Variants in CSMD1 observed in about 807,000 individuals in gnomAD.
CSMD1 encodes the protein CUB and sushi domain-containing protein 1.
CSMD1 carries 213 observed loss-of-function variants against 417.5 expected under a neutral mutation model. The observed-to-expected ratio is 0.51, with a 90% CI of 0.46 to 0.57. The LOEUF (loss-of-function observed/expected upper bound fraction) is 0.57. Among genes scored for constraint, CSMD1 ranks in the 20% least tolerant of loss-of-function variants. The pLI, the probability that CSMD1 is intolerant of heterozygous loss-of-function variation, is 0.00. For synonymous variants in CSMD1, 2,862 were observed against 1,736.8 expected (o/e 1.65, Z -16.11); for missense variants, 6,923 against 4,529.7 (o/e 1.53, Z -15.17).
At chr8:3,522,323 T>G (rs1797542043) in intron 10 of CSMD1, among the ~76,000 whole-genome samples, 1 of 152,196 alleles carries the variant, frequency 6.6e-6, no homozygotes, top group African/African-American at 2.4e-5. Flanking sequence ...GAGAGGAAAT[T>G]GTAAAGGATA....
chr8:4,012,016 T>C (rs939757183), intron 4 of CSMD1, among the ~76,000 whole-genome samples: 2 of 143,904 alleles, frequency 1.4e-5, no homozygotes, highest in African/African-American at 4.9e-5. Flanking sequence ...GTTTAGGTAA[T>C]AATGACAAGG....
chr8:4,775,555 GATTT>G (rs1182506377), intron 1 of CSMD1, among the ~76,000 whole-genome samples: 2 of 152,094 alleles, frequency 1.3e-5, no homozygotes, highest in Non-Finnish European at 2.9e-5. Context: ...TAACAAATAT[GATTT>G]ATTTATGAAA....
At chr8:3,144,526 C>T (rs1485752690) in intron 40 of CSMD1, among the ~76,000 whole-genome samples, 1 of 151,744 alleles carries the variant, frequency 6.6e-6, no homozygotes, top group African/African-American at 2.4e-5. Context: ...TCACGTTGTC[C>T]AAGTCTATAG....
intron 1 of CSMD1, among the ~76,000 whole-genome samples, chr8:4,674,777 G>C (rs1457394927): frequency 1.3e-5 from 2 of 152,192 alleles, no homozygotes; most frequent in Non-Finnish European, 2.9e-5. Flanking sequence ...GCTATAGATT[G>C]AATCGTGTCC....
rs879086770 is a variant in CSMD1 at position 3,199,939 on chromosome 8, G to A, written c.5099-130C>T. Reference sequence around the variant, plus strand: ...AACTTTTAAAACATTTTCACTTTATGGTTTAAAACTCAAATATGTTGTTTT... The same window carrying A: ...AACTTTTAAAACATTTTCACTTTATAGTTTAAAACTCAAATATGTTGTTTT... On this transcript the variant is annotated intron_variant, in intron 32 of 69. Coordinates refer to ENST00000635120, the MANE Select transcript of CSMD1 (RefSeq NM_033225.6). 3 of 587,418 alleles carry A rather than the reference G, an allele frequency of 5.1e-6. No individual in the cohort carries two copies. The South Asian group carries it at 6.5e-5, about 13-fold the overall frequency. 36.4% of individuals were successfully genotyped at this position (587,418 alleles called of 1,614,324 possible).
intron 7 of CSMD1, among the ~76,000 whole-genome samples, chr8:3,636,383 G>T (rs1208752272): frequency 6.6e-6 from 1 of 152,050 alleles, no homozygotes; most frequent in East Asian, 1.9e-4. Context: ...TCTCCATGTT[G>T]GCTAGGCTGG....
At chr8:3,184,624 T>G (rs2129048977) in intron 36 of CSMD1, among the ~76,000 whole-genome samples, 1 of 152,372 alleles carries the variant, frequency 6.6e-6, no homozygotes, top group Non-Finnish European at 1.5e-5. Context: ...CTTGCACATT[T>G]TATTTCTATA....
At chr8:4,574,419 C>G (rs1475348419) in intron 2 of CSMD1, among the ~76,000 whole-genome samples, 1 of 152,108 alleles carries the variant, frequency 6.6e-6, no homozygotes, top group Non-Finnish European at 1.5e-5. Flanking sequence ...AGGCAATGCC[C>G]CACCCTTCTT....
intron 41 of CSMD1, among the ~76,000 whole-genome samples, chr8:3,119,137 G>A (rs1392305112): frequency 1.3e-5 from 2 of 151,856 alleles, no homozygotes; most frequent in African/African-American, 4.8e-5. Flanking sequence ...CCGAGATCTT[G>A]CCACTGCGCT....
At chr8:2,966,006 G>A (rs942847335) in intron 58 of CSMD1, 52 bp from the exon 59 acceptor site, 16 of 1,469,034 alleles carry the variant, frequency 1.1e-5, no homozygotes, top group Non-Finnish European at 1.4e-5. Flanking sequence ...ACCATGAAAT[G>A]AATTAGTCAC....
chr8:3,677,847 C>T (rs1799456084), intron 7 of CSMD1, among the ~76,000 whole-genome samples: 1 of 152,104 alleles, frequency 6.6e-6, no homozygotes, highest in Non-Finnish European at 1.5e-5. Context: ...TTCTTTAACT[C>T]TAAACCCCCT....
intron 15 of CSMD1, 26 bp downstream of exon 15, chr8:3,406,001 A>G: frequency 6.2e-7 from 1 of 1,604,708 alleles, no homozygotes; most frequent in Non-Finnish European, 8.5e-7. Flanking sequence ...TCAAAGGAGA[A>G]GAGCGGGGGG....
intron 2 of CSMD1, among the ~76,000 whole-genome samples, chr8:4,606,943 T>G (rs1800906801): frequency 6.6e-6 from 1 of 152,214 alleles, no homozygotes; most frequent in Admixed American, 6.5e-5. Flanking sequence ...GTAGATATAA[T>G]TCATCCTTTT....
intron 5 of CSMD1, among the ~76,000 whole-genome samples, chr8:3,818,438 T>C (rs956969644): frequency 1.3e-5 from 2 of 152,152 alleles, no homozygotes; most frequent in African/African-American, 4.8e-5. Flanking sequence ...ACTAATTAAC[T>C]CCTCATGGAT....
At chr8:4,304,910 T>C (rs576160598) in intron 3 of CSMD1, among the ~76,000 whole-genome samples, 1 of 152,126 alleles carries the variant, frequency 6.6e-6, no homozygotes, top group Non-Finnish European at 1.5e-5. Flanking sequence ...TATTAAGGTG[T>C]AACGATGAGA....
intron 5 of CSMD1, among the ~76,000 whole-genome samples, chr8:3,906,110 T>A (rs1402603788): frequency 6.6e-6 from 1 of 152,026 alleles, no homozygotes; most frequent in Non-Finnish European, 1.5e-5. Flanking sequence ...AACCTCAGAG[T>A]TGCTGTGGGA....
At chr8:3,357,279 G>T (rs1476324423) in intron 21 of CSMD1, among the ~76,000 whole-genome samples, 4 of 152,212 alleles carry the variant, frequency 2.6e-5, no homozygotes, top group Non-Finnish European at 5.9e-5. Context: ...AGGCTGAGTT[G>T]CAGGCTCCCT....
intron 12 of CSMD1, among the ~76,000 whole-genome samples, chr8:3,458,817 G>C (rs1175304515): frequency 6.6e-6 from 1 of 152,174 alleles, no homozygotes; most frequent in Admixed American, 6.5e-5. Context: ...GGAGAAACAG[G>C]ATTGAATAAA....
intron 25 of CSMD1, among the ~76,000 whole-genome samples, chr8:3,301,599 G>A (rs1563246215): frequency 6.6e-6 from 1 of 152,180 alleles, no homozygotes. Context: ...GACAGTGTGT[G>A]TAAAGAGAGC....
Sources: allele counts gnomAD v4.1 joint callset (sites outside exome capture counted in the v4.1 genomes callset), GRCh38; gene constraint gnomAD v4.1.1; transcripts MANE v1.5; gene names NCBI Gene and HGNC (gene_info 2026-07-23, HGNC 2026-07-21).